The following FAF1 variants were observed in gnomAD, a reference collection of about 807,000 sequenced individuals.
FAF1 encodes Fas associated factor 1.
FAF1 carries 25 observed loss-of-function variants against 92.5 expected under a neutral mutation model. That is an observed-to-expected ratio of 0.27 (90% CI 0.20 to 0.38). The LOEUF (loss-of-function observed/expected upper bound fraction) is 0.38. Among genes scored for constraint, FAF1 ranks in the 10% least tolerant of loss-of-function variants. FAF1 has a pLI of 1.00. For missense variants in FAF1, 636 were observed against 793.3 expected (o/e 0.80, Z 2.38); for synonymous variants, 234 against 273.2 (o/e 0.86, Z 1.42).
chr1:50,682,569 G>C (rs1200964250), intron 7 of FAF1, among the ~76,000 whole-genome samples: 1 of 152,156 alleles, frequency 6.6e-6, no homozygotes, highest in Non-Finnish European at 1.5e-5. Context: ...TGTTTAAAAT[G>C]ATGGCAGAAC....
At chr1:50,956,025 G>GT (rs1158211531) in intron 1 of FAF1, among the ~76,000 whole-genome samples, 1 of 152,176 alleles carries the variant, frequency 6.6e-6, no homozygotes, top group Non-Finnish European at 1.5e-5. Context: ...AATAAGTACG[G>GT]TAACAGATTT....
chr1:50,441,564 G>T, intron 18 of FAF1, 41 bp from the exon 19 acceptor site: 1 of 1,236,088 alleles, frequency 8.1e-7, no homozygotes, highest in Non-Finnish European at 1.1e-6. Flanking sequence ...ACTGAAACAA[G>T]CACTATATTC....
chr1:50,931,184 T>G (rs1233145777), intron 1 of FAF1, among the ~76,000 whole-genome samples: 1 of 152,248 alleles, frequency 6.6e-6, no homozygotes, highest in Non-Finnish European at 1.5e-5. Context: ...TGGCAGTAGT[T>G]TACTGTAAGT....
intron 4 of FAF1, among the ~76,000 whole-genome samples, chr1:50,768,787 G>A (rs1660671812): frequency 6.6e-6 from 1 of 152,108 alleles, no homozygotes; most frequent in Non-Finnish European, 1.5e-5. Context: ...CTTAAGCAGT[G>A]TTAAGAGAAA....
chr1:50,845,428 G>A (rs1464937477), intron 2 of FAF1, among the ~76,000 whole-genome samples: 1 of 152,126 alleles, frequency 6.6e-6, no homozygotes, highest in Non-Finnish European at 1.5e-5. Flanking sequence ...GACTTCCTCT[G>A]TAAAACCTTG....
intron 15 of FAF1, among the ~76,000 whole-genome samples, chr1:50,534,959 T>C (rs1268169775): frequency 6.6e-6 from 1 of 152,196 alleles, no homozygotes; most frequent in African/African-American, 2.4e-5. Context: ...TTCAAAAATA[T>C]ATTCAAATGT....
chr1:50,911,316 C>A (rs1644883727), intron 1 of FAF1, among the ~76,000 whole-genome samples: 1 of 150,248 alleles, frequency 6.7e-6, no homozygotes, highest in Non-Finnish European at 1.5e-5. Flanking sequence ...AAGTGATCTG[C>A]CTGCCTCGGC....
chr1:50,907,754 T>C (rs1644851964), intron 1 of FAF1, among the ~76,000 whole-genome samples: 1 of 152,216 alleles, frequency 6.6e-6, no homozygotes, highest in Non-Finnish European at 1.5e-5. Flanking sequence ...ATTGCATCTA[T>C]TTGATTCTTC....
At chr1:50,598,209 T>G (rs1156902378) in intron 8 of FAF1, among the ~76,000 whole-genome samples, 1 of 152,014 alleles carries the variant, frequency 6.6e-6, no homozygotes, top group Non-Finnish European at 1.5e-5. Flanking sequence ...GGCAGGAGGA[T>G]CACTTGAGCC....
At chr1:50,478,166 CTTT>C (rs1287733132) in intron 17 of FAF1, among the ~76,000 whole-genome samples, 2 of 139,464 alleles carry the variant, frequency 1.4e-5, no homozygotes, top group Non-Finnish European at 3.2e-5. Context: ...AGTGGTGGTT[CTTT>C]TTTTTTTTTT....
intron 13 of FAF1, among the ~76,000 whole-genome samples, chr1:50,550,879 T>C (rs1649279491): frequency 6.6e-6 from 1 of 152,226 alleles, no homozygotes; most frequent in Non-Finnish European, 1.5e-5. Flanking sequence ...TATGATTCCA[T>C]ATGTCAGAAA....
intron 15 of FAF1, among the ~76,000 whole-genome samples, chr1:50,493,735 C>T (rs1208313068): frequency 2.6e-5 from 4 of 152,236 alleles, no homozygotes; most frequent in Admixed American, 1.3e-4. Context: ...ATTATCTTTC[C>T]AGGCATAAAA....
chr1:50,819,728 TACATATATATACATATATATATAC>T, intron 2 of FAF1, among the ~76,000 whole-genome samples: 1 of 12,400 alleles, frequency 8.1e-5, no homozygotes, highest in Admixed American at 1.3e-3. Context: ...TATATATATA[TACATATATATACATATATATATAC>T]ATATATATAT....
intron 8 of FAF1, among the ~76,000 whole-genome samples, chr1:50,654,135 A>G (rs954330187): frequency 6.6e-6 from 1 of 152,184 alleles, no homozygotes; most frequent in Non-Finnish European, 1.5e-5. Context: ...GAATTCTTTT[A>G]TATTAAAATA....
chr1:50,472,420 C>A (rs1306088780), intron 18 of FAF1, among the ~76,000 whole-genome samples: 2 of 136,818 alleles, frequency 1.5e-5, no homozygotes, highest in African/African-American at 5.4e-5. Flanking sequence ...CACACACACA[C>A]ACAAACCCCA....
chr1:50,739,206 CTA>C (rs1659265323), intron 5 of FAF1, among the ~76,000 whole-genome samples: 2 of 151,494 alleles, frequency 1.3e-5, no homozygotes, highest in South Asian at 4.2e-4. Context: ...CAGGTTTATG[CTA>C]GTTTATTTTA....
chr1:50,837,080 C>G (rs926146715), intron 2 of FAF1, among the ~76,000 whole-genome samples: 1 of 150,910 alleles, frequency 6.6e-6, no homozygotes, highest in Admixed American at 6.6e-5. Flanking sequence ...GCCTCAGCCT[C>G]CCGAGTAGCT....
intron 1 of FAF1, among the ~76,000 whole-genome samples, chr1:50,875,918 C>T (rs183087980): frequency 6.6e-6 from 1 of 152,302 alleles, no homozygotes; most frequent in African/African-American, 2.4e-5. Flanking sequence ...CTATCACTAC[C>T]ATCCTTTTCC....
chr1:50,951,844 TCA>T (rs1201194954), intron 1 of FAF1, among the ~76,000 whole-genome samples: 2 of 152,300 alleles, frequency 1.3e-5, no homozygotes, highest in African/African-American at 4.8e-5. Context: ...CCATTTCTGC[TCA>T]CACAGTCTGG....
Sources: allele counts gnomAD v4.1 joint callset (sites outside exome capture counted in the v4.1 genomes callset), GRCh38; gene constraint gnomAD v4.1.1; transcripts MANE v1.5; gene names NCBI Gene and HGNC (gene_info 2026-07-23, HGNC 2026-07-21).